Variants in PRKCB observed in about 807,000 individuals in gnomAD.
PRKCB encodes protein kinase C beta type.
In PRKCB, 13 loss-of-function variants were observed where a neutral mutation model predicts 81.5. The ratio of observed to expected loss-of-function variants is 0.16; its 90% CI spans 0.10 to 0.25. The LOEUF is 0.25. Ranked by LOEUF, PRKCB falls within the 10% of genes least tolerant of loss-of-function variation. The probability of loss-of-function intolerance (pLI) is 1.00; values close to 1 mark genes in which losing one functional copy is unlikely to be tolerated. For synonymous variants in PRKCB, 335 were observed against 321.4 expected (o/e 1.04, Z -0.45); for missense variants, 509 against 875.7 (o/e 0.58, Z 5.29).
intron 5 of PRKCB, among the ~76,000 whole-genome samples, chr16:24,088,147 G>A (rs570087218): frequency 6.6e-6 from 1 of 152,278 alleles, no homozygotes; most frequent in South Asian, 2.1e-4. Context: ...TGGGAAACAC[G>A]ACTCAACTTT....
rs1968282921 is a variant in PRKCB at position 24,219,298 on chromosome 16, T to G, written c.*4482T>G. ...TTAAGGCTCCCCTTACACACCCTCC[T>G]TTAAGCTTTGGGTTTTCTCTCTTAT... is the stretch of plus-strand genomic sequence containing the variant. On this transcript the variant is annotated 3_prime_UTR_variant, in exon 17 of 17. Coordinates refer to ENST00000643927, the MANE Select transcript of PRKCB (RefSeq NM_002738.7). The G allele has an allele frequency of 4.1e-6, 4 of 976,282 alleles. No individual in the cohort carries two copies. Among genetic ancestry groups the G allele is most frequent in the Non-Finnish European group, 4.8e-6 (4 of 828,498 alleles). 60.5% of individuals were successfully genotyped at this position (976,282 alleles called of 1,614,324 possible).
intron 16 of PRKCB, among the ~76,000 whole-genome samples, chr16:24,199,726 C>T (rs1177320365): frequency 6.6e-6 from 1 of 152,192 alleles, no homozygotes; most frequent in African/African-American, 2.4e-5. Flanking sequence ...TCATTTAATT[C>T]TCTCAACCCT....
intron 3 of PRKCB, among the ~76,000 whole-genome samples, chr16:24,016,746 C>T (rs927339676): frequency 2.0e-5 from 3 of 152,162 alleles, no homozygotes; most frequent in Admixed American, 6.5e-5. Flanking sequence ...CCCCTAGCTC[C>T]CCCAATCTGT....
At chr16:23,887,514 C>A (rs1963222328) in intron 2 of PRKCB, among the ~76,000 whole-genome samples, 1 of 152,110 alleles carries the variant, frequency 6.6e-6, no homozygotes, top group Non-Finnish European at 1.5e-5. Flanking sequence ...CATGTTGCTG[C>A]AAAGGACATG....
intron 3 of PRKCB, among the ~76,000 whole-genome samples, chr16:24,011,145 G>A (rs1346644755): frequency 6.6e-6 from 1 of 152,040 alleles, no homozygotes; most frequent in Non-Finnish European, 1.5e-5. Flanking sequence ...GGACTACTCA[G>A]GCATAAGCCA....
At chr16:23,961,943 C>T (rs1964431261) in intron 2 of PRKCB, among the ~76,000 whole-genome samples, 1 of 152,124 alleles carries the variant, frequency 6.6e-6, no homozygotes, top group Non-Finnish European at 1.5e-5. Context: ...AGCCCTACTC[C>T]ATAAGGACTG....
chr16:23,967,141 C>T (rs1031123687), intron 2 of PRKCB, among the ~76,000 whole-genome samples: 1 of 152,048 alleles, frequency 6.6e-6, no homozygotes, highest in African/African-American at 2.4e-5. Flanking sequence ...AGCAGCTGGT[C>T]GGATTTCAAG....
chr16:24,212,461 C>CTTTTTTTTTTTTTTTTTTTTTTT (rs975667798), intron 16 of PRKCB, among the ~76,000 whole-genome samples: 4 of 78,060 alleles, frequency 5.1e-5, no homozygotes, highest in East Asian at 9.0e-4. Context: ...CTTTTTTTTC[C>CTTTTTTTTTTTTTTTTTTTTTTT]TTTTTTTTTT....
chr16:24,210,344 T>C (rs1296636559), intron 16 of PRKCB, among the ~76,000 whole-genome samples: 1 of 152,048 alleles, frequency 6.6e-6, no homozygotes, highest in Non-Finnish European at 1.5e-5. Flanking sequence ...GAGCTCTGTC[T>C]TGGGGCCTTT....
At chr16:24,129,726 C>CA (rs1966850561) in intron 9 of PRKCB, among the ~76,000 whole-genome samples, 1 of 151,944 alleles carries the variant, frequency 6.6e-6, no homozygotes, top group Admixed American at 6.6e-5. Flanking sequence ...ATCAATCAAT[C>CA]ATCTATCTGT....
chr16:23,989,200 C>T (rs1040523721), intron 3 of PRKCB, among the ~76,000 whole-genome samples: 1 of 152,132 alleles, frequency 6.6e-6, no homozygotes, highest in African/African-American at 2.4e-5. Flanking sequence ...CTCCTGACCT[C>T]GTGATCCGCC....
intron 9 of PRKCB, among the ~76,000 whole-genome samples, chr16:24,145,764 G>A (rs58726805): frequency 0.025 from 3,851 of 152,284 alleles, 167 homozygotes; most frequent in African/African-American, 0.085. Context: ...CAAAGCTCCC[G>A]GGCCAGTTGA....
chr16:24,191,561 A>G (rs1435722773), intron 16 of PRKCB: 1 of 196,254 alleles, frequency 5.1e-6, no homozygotes, highest in African/African-American at 2.3e-5. Flanking sequence ...GTGATAAAGG[A>G]TCTAATTTTG....
intron 15 of PRKCB, among the ~76,000 whole-genome samples, chr16:24,186,702 C>T (rs1474563305): frequency 1.3e-5 from 2 of 152,234 alleles, no homozygotes; most frequent in Non-Finnish European, 2.9e-5. Context: ...AGCTGGGAAA[C>T]TCAGGCAGGC....
chr16:24,061,568 A>G (rs1228879661), intron 5 of PRKCB, among the ~76,000 whole-genome samples: 1 of 152,206 alleles, frequency 6.6e-6, no homozygotes, highest in Non-Finnish European at 1.5e-5. Flanking sequence ...TTCCATCAGC[A>G]AACAGTGGTC....
chr16:24,220,272 T>A lies in PRKCB; in HGVS notation c.*5456T>A. ...TCTTTGTATGTGTAGCTTGCTAGTT[T>A]GTTTTCTACATTTGAAAATGTTTAG... On this transcript the variant is annotated 3_prime_UTR_variant, in exon 17 of 17. Coordinates refer to ENST00000643927, the MANE Select transcript of PRKCB (RefSeq NM_002738.7). The A allele has an allele frequency of 1.2e-6, 1 of 822,980 alleles. No individual in the cohort carries two copies. The highest frequency in any genetic ancestry group is 1.8e-6 in the Non-Finnish European group (1 of 548,534). 51.0% of individuals were successfully genotyped at this position (822,980 alleles called of 1,614,324 possible).
intron 2 of PRKCB, among the ~76,000 whole-genome samples, chr16:23,885,082 A>C (rs1963179243): frequency 6.6e-6 from 1 of 152,168 alleles, no homozygotes; most frequent in South Asian, 2.1e-4. Context: ...AGGAATTAAC[A>C]ATAACGATAA....
At chr16:23,993,849 A>G (rs1209306450) in intron 3 of PRKCB, among the ~76,000 whole-genome samples, 1 of 152,186 alleles carries the variant, frequency 6.6e-6, no homozygotes, top group African/African-American at 2.4e-5. Context: ...GCTAGAAGTG[A>G]AATAGGTGGG....
rs537305919 is a variant in PRKCB, at chr16:23,862,546, C to T, written c.205+25140C>T. On this transcript the variant is annotated intron_variant, in intron 2 of 16. Transcript: ENST00000643927. ...ATTCCCTTCTTCCAAGTTTCAACCT[C>T]TCTGCAGAATCTGCTTTCTTTTGTT... Among the ~76,000 whole-genome samples the T allele has an allele frequency of 1.8e-3, 281 of 152,300 alleles. 1 individual carries two copies. Among genetic ancestry groups the T allele is most frequent in the Non-Finnish European group, 3.4e-3 (228 of 68,034 alleles).
Sources: allele counts gnomAD v4.1 joint callset (sites outside exome capture counted in the v4.1 genomes callset), GRCh38; gene constraint gnomAD v4.1.1; transcripts MANE v1.5; gene names NCBI Gene and HGNC (gene_info 2026-07-23, HGNC 2026-07-21).